DNAJC12: variants seen among roughly 807,000 people sequenced by gnomAD.
DNAJC12 encodes the protein dnaJ homolog subfamily C member 12.
Under a neutral mutation model 28.5 loss-of-function variants are expected in DNAJC12, and 25 were observed. The ratio of observed to expected loss-of-function variants is 0.88; its 90% CI spans 0.64 to 1.22. The LOEUF (loss-of-function observed/expected upper bound fraction) is 1.22. DNAJC12 is among the 50% of genes most tolerant of loss of function. The pLI is 0.00. For missense variants in DNAJC12, 222 were observed against 231.7 expected (o/e 0.96, Z 0.27); for synonymous variants, 77 against 80.6 (o/e 0.95, Z 0.24).
intron 3 of DNAJC12, chr10:67,811,192 G>T: frequency 1.5e-6 from 1 of 682,564 alleles, no homozygotes; most frequent in Non-Finnish European, 1.9e-6. Flanking sequence ...AATTTACAAT[G>T]GTTAAAACTC....
At chr10:67,827,899 T>C (rs1026658271) in intron 1 of DNAJC12, among the ~76,000 whole-genome samples, 3 of 151,920 alleles carry the variant, frequency 2.0e-5, no homozygotes, top group Non-Finnish European at 2.9e-5. Flanking sequence ...AAAGCTTCCA[T>C]AGAGCTGGCT....
intron 2 of DNAJC12, among the ~76,000 whole-genome samples, chr10:67,812,297 A>G (rs971873969): frequency 6.6e-6 from 1 of 152,140 alleles, no homozygotes; most frequent in Non-Finnish European, 1.5e-5. Context: ...TGTAGAGTAG[A>G]CAGACAATAG....
intron 1 of DNAJC12, among the ~76,000 whole-genome samples, chr10:67,826,499 G>GCATATATATCACATATATCTCA (rs1289291847): frequency 7.1e-6 from 1 of 141,272 alleles, no homozygotes; most frequent in Non-Finnish European, 1.5e-5. Context: ...TTATATATAT[G>GCATATATATCACATATATCTCA]CATATATATC....
chr10:67,810,417 G>A lies in DNAJC12; in HGVS notation c.297+1107C>T, dbSNP rs577833362. Among the ~76,000 whole-genome samples the A allele has an allele frequency of 1.9e-4, 29 of 152,296 alleles. No individual in the cohort carries two copies. The South Asian group carries it at 2.3e-3, about 12-fold the overall frequency. ...GCACCCCTGAGGCTGTGGCTCGTTT[G>A]AGGAATTCTCCCAAAGGAAATTCCC... On this transcript the variant is annotated intron_variant, in intron 3 of 4. Transcript: ENST00000225171.
chr10:67,815,508 C>CAAAAAAAAAAAAAAAAAAA (rs762037586), intron 2 of DNAJC12, among the ~76,000 whole-genome samples: 3 of 65,744 alleles, frequency 4.6e-5, no homozygotes, highest in Non-Finnish European at 6.2e-5. Flanking sequence ...TACTTCGTCT[C>CAAAAAAAAAAAAAAAAAAA]AAAAAAAAAA....
At chr10:67,812,989 T>G (rs1269482946) in intron 2 of DNAJC12, among the ~76,000 whole-genome samples, 2 of 152,146 alleles carry the variant, frequency 1.3e-5, no homozygotes, top group Non-Finnish European at 2.9e-5. Context: ...ACCACTGCAC[T>G]CCAGCCTGTC....
chr10:67,811,010 G>A (rs1841853312), intron 3 of DNAJC12: 1 of 152,660 alleles, frequency 6.6e-6, no homozygotes, highest in Non-Finnish European at 1.5e-5. Flanking sequence ...GCCTTTTAAT[G>A]ACATGAAGAA....
intron 4 of DNAJC12, among the ~76,000 whole-genome samples, chr10:67,803,324 G>A (rs1488390857): frequency 1.3e-5 from 2 of 152,158 alleles, no homozygotes; most frequent in Admixed American, 6.5e-5. Flanking sequence ...AATGTGTACA[G>A]TATAACCCCA....
chr10:67,807,055 T>C (rs1476615981), intron 3 of DNAJC12, among the ~76,000 whole-genome samples: 1 of 151,494 alleles, frequency 6.6e-6, no homozygotes, highest in Non-Finnish European at 1.5e-5. Context: ...AGGTCAGGAG[T>C]TCCAAACCAG....
chr10:67,802,007 G>A (rs10997816), intron 4 of DNAJC12, among the ~76,000 whole-genome samples: 11 of 151,204 alleles, frequency 7.3e-5, no homozygotes, highest in African/African-American at 2.4e-4. Context: ...AACTACAGGC[G>A]CACGCCAGCA....
At chr10:67,797,807 A>G (rs550528017) in intron 4 of DNAJC12, among the ~76,000 whole-genome samples, 1,900 of 152,088 alleles carry the variant, frequency 0.012, 32 homozygotes, top group African/African-American at 0.036. Context: ...TTGGGAGGCC[A>G]AGGCGGGCGG....
chr10:67,815,435 G>A (rs1841903438), intron 2 of DNAJC12, among the ~76,000 whole-genome samples: 1 of 147,562 alleles, frequency 6.8e-6, no homozygotes, highest in Non-Finnish European at 1.5e-5. Context: ...TTGAACCCAG[G>A]AGGTGGAGGT....
At chr10:67,817,971 G>A (rs1464442570) in intron 2 of DNAJC12, among the ~76,000 whole-genome samples, 1 of 152,160 alleles carries the variant, frequency 6.6e-6, no homozygotes, top group African/African-American at 2.4e-5. Context: ...GGGAGGCCAA[G>A]GAAGGCAGAC....
At chr10:67,808,978 A>T (rs1470405688) in intron 3 of DNAJC12, among the ~76,000 whole-genome samples, 1 of 152,104 alleles carries the variant, frequency 6.6e-6, no homozygotes, top group Non-Finnish European at 1.5e-5. Flanking sequence ...CCCCAAAGAC[A>T]CCTTGCCCAG....
chr10:67,806,034 A>G (rs1841797277), intron 3 of DNAJC12, among the ~76,000 whole-genome samples: 1 of 152,108 alleles, frequency 6.6e-6, no homozygotes, highest in South Asian at 2.1e-4. Context: ...TGTATTTCCT[A>G]TTAGATCTAA....
At chr10:67,826,688 A>G (rs1174360110) in intron 1 of DNAJC12, among the ~76,000 whole-genome samples, 1 of 127,298 alleles carries the variant, frequency 7.9e-6, no homozygotes, top group Non-Finnish European at 1.6e-5. Flanking sequence ...TAAGATATCT[A>G]ATGATATATA....
chr10:67,837,924 A>G lies in DNAJC12; in HGVS notation c.78+10T>C. 1 of 1,560,864 alleles carries G rather than the reference A, an allele frequency of 6.4e-7. No homozygotes were observed. On this transcript the variant is annotated intron_variant, in intron 1 of 4. Transcript: ENST00000225171. ...TACTGTTGTGATAAAAATATTATCC[A>G]CTGTCTTACCGAAGATAGTTCATCA...
At chr10:67,823,614 C>CCCCTTAAG (rs1265554611) in intron 1 of DNAJC12, among the ~76,000 whole-genome samples, 7 of 151,774 alleles carry the variant, frequency 4.6e-5, no homozygotes, top group African/African-American at 1.7e-4. Flanking sequence ...GGCAGAAGGA[C>CCCCTTAAG]CCCTTAAGCC....
At chr10:67,802,838 CGTGTGTGTGTGTGT>C (rs71006167) in intron 4 of DNAJC12, among the ~76,000 whole-genome samples, 2 of 143,030 alleles carry the variant, frequency 1.4e-5, no homozygotes, top group African/African-American at 2.6e-5. Context: ...AGTTATTGTG[CGTGTGTGTGTGTGT>C]GTGTGTGTGT....
Sources: gnomAD v4.1 joint callset for allele counts (sites outside exome capture counted in the v4.1 genomes callset) on GRCh38, gnomAD v4.1.1 for gene constraint, MANE v1.5 for transcripts, NCBI Gene and HGNC (gene_info 2026-07-23, HGNC 2026-07-21) for gene names.